Variants in SIAE observed in about 807,000 individuals in gnomAD.
The protein encoded by SIAE is sialate O-acetylesterase.
In SIAE, 39 loss-of-function variants were observed where a neutral mutation model predicts 52.6. That is an observed-to-expected ratio of 0.74 (90% CI 0.57 to 0.97). The LOEUF is 0.97. Among genes scored for constraint, SIAE ranks in the 50% least tolerant of loss-of-function variants. The pLI is 0.00. For missense variants in SIAE, 592 were observed against 662.1 expected, an observed-to-expected ratio of 0.89 and a Z score of 1.16; for synonymous variants, 233 against 241.4, an observed-to-expected ratio of 0.97 and a Z score of 0.32.
chr11:124,658,382 T>A (rs1167295936), intron 3 of SIAE, among the ~76,000 whole-genome samples: 1 of 151,936 alleles, frequency 6.6e-6, no homozygotes, highest in South Asian at 2.1e-4. Flanking sequence ...AAAGCCAGCC[T>A]CATAAGTCCT....
chr11:124,663,972 C>A (rs1839486509), intron 2 of SIAE, among the ~76,000 whole-genome samples: 1 of 152,200 alleles, frequency 6.6e-6, no homozygotes, highest in Non-Finnish European at 1.5e-5. Context: ...ATTAGCTATT[C>A]CAGGCCAGGC....
intron 3 of SIAE, among the ~76,000 whole-genome samples, chr11:124,658,045 G>A (rs7926572): frequency 0.11 from 17,481 of 152,074 alleles, 3,021 homozygotes; most frequent in African/African-American, 0.38. Flanking sequence ...CACCACAGAC[G>A]CTGGGAGAGA....
Position 124,664,401 on chromosome 11 carries a change from TTC to T in SIAE, c.230-3600_230-3599del, listed in dbSNP as rs1190839475. On this transcript the variant is annotated intron_variant, in intron 2 of 9. Transcript: ENST00000263593. Reference sequence around the variant, plus strand: ...TGCGCACCACCACGCTCAGCTAATTTTCTTTTTGTATTTTAGTAGAGACGAGG... The same window carrying T: ...TGCGCACCACCACGCTCAGCTAATTTTTTTTGTATTTTAGTAGAGACGAGG... Among the ~76,000 whole-genome samples the T allele has an allele frequency of 2.0e-5, 3 of 152,040 alleles. No individual in the cohort carries two copies. The East Asian group carries it at 5.8e-4, about 29-fold the overall frequency.
intron 7 of SIAE, among the ~76,000 whole-genome samples, chr11:124,643,440 A>G (rs1326731270): frequency 6.6e-6 from 1 of 152,194 alleles, no homozygotes; most frequent in African/African-American, 2.4e-5. Context: ...GGAGAAAAAA[A>G]GGTAAAAGCA....
rs560893971 is a variant in SIAE at position 124,642,616 on chromosome 11, G to A, written c.967-2749C>T. On this transcript the variant is annotated intron_variant, in intron 7 of 9. Coordinates refer to ENST00000263593, the MANE Select transcript of SIAE (RefSeq NM_170601.5). The stretch of plus-strand genomic sequence containing the variant: ...ATGTTAGGCGGATGACCCACAGGGA[G>A]CCGCATCCTTATACAATACTCTCCT... Among the ~76,000 whole-genome samples the A allele has an allele frequency of 9.2e-5, 14 of 152,344 alleles. No homozygotes were observed. The South Asian group carries it at 1.9e-3, about 20-fold the overall frequency.
rs1355099306 is a variant in SIAE at position 124,645,887 on chromosome 11, G to C, written c.966+1478C>G. Among the ~76,000 whole-genome samples, 1 of 152,138 alleles carries C rather than the reference G, an allele frequency of 6.6e-6. No individual in the cohort carries two copies. Among genetic ancestry groups the C allele is most frequent in the African/African-American group, 2.4e-5 (1 of 41,440 alleles). ...ATCATAAAGGCATTTTAAGTGAGAA[G>C]GTCTATACAAATATTCAAAAGAAGG... On this transcript the variant is annotated intron_variant, in intron 7 of 9. Transcript: ENST00000263593. This position sits in a 1 kb window ranked among gnomAD's most constrained non-coding sequence, Gnocchi z 4.7.
Position 124,659,041 on chromosome 11 carries a change from AT to A in SIAE, c.405+1586del, listed in dbSNP as rs1228619511. ...TTAACACTTGGATGTTTCAGACAGA[AT>A]TTTTTTCTGTTCCCCTATATCTCAG... On this transcript the variant is annotated intron_variant, in intron 3 of 9. Coordinates refer to ENST00000263593, the MANE Select transcript of SIAE (RefSeq NM_170601.5). The A allele has an allele frequency of 2.0e-5, 3 of 152,328 alleles. No individual in the cohort carries two copies. The South Asian group carries it at 6.2e-4, about 32-fold the overall frequency. The allele number at this position is 152,328 out of a possible 1,614,324, so 9.4% of individuals were successfully genotyped here.
intron 1 of SIAE, among the ~76,000 whole-genome samples, chr11:124,671,253 C>G (rs541721493): frequency 6.6e-6 from 1 of 152,166 alleles, no homozygotes; most frequent in African/African-American, 2.4e-5. Flanking sequence ...GATCAAGTAA[C>G]TGAGACCAAA....
Position 124,634,811 on chromosome 11 carries a change from A to C in SIAE, c.*2140T>G, listed in dbSNP as rs541245629. ...TTACAAAATAATATGTACTGTATAA[A>C]ATTATATAACTCAAGTCAAGTGAAT... On this transcript the variant is annotated 3_prime_UTR_variant, in exon 10 of 10. Coordinates refer to ENST00000263593, the MANE Select transcript of SIAE (RefSeq NM_170601.5). 9 of 152,300 alleles carry C rather than the reference A, an allele frequency of 5.9e-5. No homozygotes were observed. In the South Asian group the frequency reaches 1.9e-3, roughly 32 times the overall value. 9.4% of individuals were successfully genotyped at this position (152,300 alleles called of 1,614,324 possible).
chr11:124,634,500 C>T lies in SIAE; in HGVS notation c.*2451G>A, dbSNP rs765714659. The stretch of plus-strand genomic sequence containing the variant: ...TTGGTGAGAATGTAAGTTGTTTAAT[C>T]CTTTGGGAGGGTTAAGCTGTAGATA... On this transcript the variant is annotated 3_prime_UTR_variant, in exon 10 of 10. Transcript: ENST00000263593. 6 of 152,138 alleles carry T rather than the reference C, an allele frequency of 3.9e-5. No individual in the cohort carries two copies. In the South Asian group the frequency reaches 1.2e-3, roughly 32 times the overall value. The allele number at this position is 152,138 out of a possible 1,614,324, so 9.4% of individuals were successfully genotyped here. A position where few individuals can be genotyped will look rare whatever the true frequency, so the allele number is the denominator to read the frequency against.
At chr11:124,660,589 A>G in intron 3 of SIAE, 39 bp downstream of exon 3, 1 of 1,609,182 alleles carries the variant, frequency 6.2e-7, no homozygotes, top group Non-Finnish European at 8.5e-7. Flanking sequence ...CTTCTTCATC[A>G]CCAACACTGT....
intron 4 of SIAE, among the ~76,000 whole-genome samples, chr11:124,650,208 G>A (rs1942998450): frequency 6.6e-6 from 1 of 152,120 alleles, no homozygotes; most frequent in South Asian, 2.1e-4. Context: ...TACATAACAT[G>A]GAAGTTAAAA....
rs1012531659 is a variant in SIAE, at chr11:124,670,103, T to A, written c.68-582A>T. On this transcript the variant is annotated intron_variant, in intron 1 of 9. Coordinates refer to ENST00000263593, the MANE Select transcript of SIAE (RefSeq NM_170601.5). This position sits in a 1 kb window ranked among gnomAD's most constrained non-coding sequence, Gnocchi z 4.5. ...TTTTTTGACAACCCAGTGTACTGCA[T>A]CAAAAATTCTAAATAAGCCCTTATA... Among the ~76,000 whole-genome samples, 1 of 152,172 alleles carries A rather than the reference T, an allele frequency of 6.6e-6. No individual in the cohort carries two copies.
chr11:124,641,724 C>T (rs1457117531), intron 7 of SIAE, among the ~76,000 whole-genome samples: 3 of 151,994 alleles, frequency 2.0e-5, no homozygotes, highest in East Asian at 3.9e-4. Flanking sequence ...TTTGGGAGGC[C>T]GAGGTGGGTG....
chr11:124,637,724 G>A (rs1403317712), intron 9 of SIAE, among the ~76,000 whole-genome samples: 3 of 152,188 alleles, frequency 2.0e-5, no homozygotes, highest in African/African-American at 4.8e-5. Flanking sequence ...GAATGCAGAC[G>A]TCTCTCAATT....
At chr11:124,657,792 CA>C (rs1435072575) in intron 3 of SIAE, among the ~76,000 whole-genome samples, 3 of 152,170 alleles carry the variant, frequency 2.0e-5, no homozygotes, top group Admixed American at 2.0e-4. Flanking sequence ...TATCCTTCCC[CA>C]ATAACTAGGC....
chr11:124,647,336 G>C (rs779444090), intron 7 of SIAE, 29 bp downstream of exon 7: 14 of 1,613,958 alleles, frequency 8.7e-6, no homozygotes, highest in Non-Finnish European at 1.2e-5. Context: ...GTGTTGACAT[G>C]AACAGAGAAG....
chr11:124,675,547 C>A, upstream of SIAE: 2 of 991,956 alleles, frequency 2.0e-6, no homozygotes, highest in Non-Finnish European at 2.9e-6. Context: ...GATAACAGTT[C>A]TTGCTCTTTG....
chr11:124,675,067 C>T (rs1943442766), upstream of SIAE: 6 of 569,088 alleles, frequency 1.1e-5, no homozygotes, highest in South Asian at 1.0e-4. Context: ...TACTAATTCA[C>T]AATGGAGATT....
Sources: gnomAD v4.1 joint callset for allele counts (sites outside exome capture counted in the v4.1 genomes callset) on GRCh38, gnomAD v4.1.1 for gene constraint, Gnocchi (gnomAD v3.1) non-coding constraint, MANE v1.5 for transcripts, NCBI Gene and HGNC (gene_info 2026-07-23, HGNC 2026-07-21) for gene names.